COL5A1: variants seen among roughly 807,000 people sequenced by gnomAD.
COL5A1 encodes the protein collagen alpha-1(V) chain.
A neutral mutation model predicts 263.7 loss-of-function variants in COL5A1; 16 were observed. The ratio of observed to expected loss-of-function variants is 0.06; its 90% CI spans 0.04 to 0.09. The LOEUF (loss-of-function observed/expected upper bound fraction) is 0.09. COL5A1 is among the 10% of genes least tolerant of loss of function. The pLI, the probability that COL5A1 is intolerant of heterozygous loss-of-function variation, is 1.00. For missense variants in COL5A1, 2,036 were observed against 2,540.5 expected (o/e 0.80, Z 4.27); for synonymous variants, 1,012 against 1,004.5 (o/e 1.01, Z -0.14).
At position 134,795,325 on chromosome 9, in the gene COL5A1, T is replaced by C. The variant is rs941515036; in HGVS notation, c.2799+10T>C. 8.1e-6 allele frequency: 13 copies of C among 1,613,344 alleles called. No individual in the cohort carries two copies. Among genetic ancestry groups the C allele is most frequent in the Non-Finnish European group, 1.1e-5 (13 of 1,179,876 alleles). ...GAAGCCTGGCCCCAAGGTATGTTTT[T>C]GGCCTCCTGGGCGGTGGGCGGCGTG... On this transcript the variant is annotated intron_variant, in intron 34 of 65. Coordinates refer to ENST00000371817, the MANE Select transcript of COL5A1 (RefSeq NM_000093.5).
At chr9:134,715,924 TGA>T (rs1353844552) in intron 4 of COL5A1, among the ~76,000 whole-genome samples, 2 of 152,058 alleles carry the variant, frequency 1.3e-5, no homozygotes, top group African/African-American at 4.8e-5. Flanking sequence ...ATGGAGGTGA[TGA>T]TAGTGGTGGT....
In COL5A1 at chr9:134,677,070, G is replaced by T. The variant is rs146134402; in HGVS notation, c.110-13842G>T. Among the ~76,000 whole-genome samples the T allele has an allele frequency of 1.3e-5, 2 of 152,308 alleles. No homozygotes were observed. The highest frequency in any genetic ancestry group is 1.9e-4 in the East Asian group (1 of 5,188). On this transcript the variant is annotated intron_variant, in intron 1 of 65. Coordinates refer to ENST00000371817, the MANE Select transcript of COL5A1 (RefSeq NM_000093.5). The surrounding 1 kb of genome is among the most constrained non-coding windows in gnomAD (Gnocchi z 4.4). ...CCATGGAGTGCTCTGGTTGTGGTTT[G>T]CTGGGGAGACACAGAAGAGGCAGGG...
At position 134,741,454 on chromosome 9, in the gene COL5A1, C is replaced by G. The variant is rs933491806; in HGVS notation, c.1494+2646C>G. Among the ~76,000 whole-genome samples, 1 of 152,108 alleles carries G rather than the reference C, an allele frequency of 6.6e-6. No homozygotes were observed. The highest frequency in any genetic ancestry group is 2.4e-5 in the African/African-American group (1 of 41,410). On this transcript the variant is annotated intron_variant, in intron 11 of 65. Transcript: ENST00000371817. The surrounding 1 kb of genome is among the most constrained non-coding windows in gnomAD (Gnocchi z 4.5). ...AGGGGGTTTGGGCTTCGCGGGGTGA[C>G]AGATGGTGGGCAAGTGACTAGGAAC...
At chr9:134,827,444 C>T (rs937181680) in intron 63 of COL5A1, among the ~76,000 whole-genome samples, 2 of 152,244 alleles carry the variant, frequency 1.3e-5, no homozygotes, top group Admixed American at 6.5e-5. Flanking sequence ...AACACGGGGG[C>T]CTTCCATCTC....
chr9:134,671,361 G>T (rs904546561), intron 1 of COL5A1, among the ~76,000 whole-genome samples: 2 of 152,136 alleles, frequency 1.3e-5, no homozygotes, highest in African/African-American at 2.4e-5. Flanking sequence ...CTGGGATCTC[G>T]CACAGTACAG....
intron 57 of COL5A1, 29 bp from the exon 58 acceptor site, chr9:134,820,087 T>C: frequency 6.4e-7 from 1 of 1,574,248 alleles, no homozygotes; most frequent in Non-Finnish European, 8.7e-7. Flanking sequence ...CTCCCTCAAA[T>C]GCCCCTTCCT....
intron 4 of COL5A1, chr9:134,708,503 G>A (rs1390768371): frequency 2.0e-6 from 1 of 495,892 alleles, no homozygotes. Context: ...CATCTACCCA[G>A]CCCTGCTGTC....
At chr9:134,806,504 G>T (rs937811038) in intron 42 of COL5A1, among the ~76,000 whole-genome samples, 1 of 152,128 alleles carries the variant, frequency 6.6e-6, no homozygotes, top group African/African-American at 2.4e-5. Context: ...TCCTGGTGCC[G>T]GCCACATTCT....
At chr9:134,760,546 A>ATG (rs1836346592) in intron 18 of COL5A1, among the ~76,000 whole-genome samples, 1 of 114,724 alleles carries the variant, frequency 8.7e-6, no homozygotes, top group East Asian at 3.1e-4. Flanking sequence ...ATACACCCAC[A>ATG]CACACACGCA....
intron 29 of COL5A1, among the ~76,000 whole-genome samples, chr9:134,784,551 C>G (rs1053593840): frequency 1.2e-4 from 19 of 152,246 alleles, no homozygotes; most frequent in Non-Finnish European, 2.4e-4. Context: ...ACTGCCCCAT[C>G]CGGGGCTGGG....
intron 4 of COL5A1, among the ~76,000 whole-genome samples, chr9:134,725,879 T>A (rs754629261): frequency 6.6e-6 from 1 of 152,260 alleles, no homozygotes; most frequent in Non-Finnish European, 1.5e-5. Context: ...GTTGCATTTA[T>A]CTTTTGGCCA....
At chr9:134,718,028 G>C (rs534931960) in intron 4 of COL5A1, among the ~76,000 whole-genome samples, 1 of 152,190 alleles carries the variant, frequency 6.6e-6, no homozygotes, top group African/African-American at 2.4e-5. Flanking sequence ...GGCCACGGGA[G>C]CCTCTAATTT....
intron 30 of COL5A1, 133 bp from the exon 31 acceptor site, chr9:134,785,862 A>T (rs1164617555): frequency 1.3e-6 from 1 of 790,654 alleles, no homozygotes; most frequent in Non-Finnish European, 2.2e-6. Flanking sequence ...CTGCATAATG[A>T]CGTGTGCCCC....
intron 1 of COL5A1, among the ~76,000 whole-genome samples, chr9:134,685,966 C>T (rs1833065988): frequency 6.6e-6 from 1 of 151,920 alleles, no homozygotes; most frequent in African/African-American, 2.4e-5. Flanking sequence ...TCCACTCATC[C>T]ATCCATCCAT....
Position 134,779,712 on chromosome 9 carries a change from C to G in COL5A1, c.2386-390C>G, listed in dbSNP as rs115456225. On this transcript the variant is annotated intron_variant, in intron 27 of 65. Coordinates refer to ENST00000371817, the MANE Select transcript of COL5A1 (RefSeq NM_000093.5). Reference sequence around the variant, plus strand: ...GGGAGCTGGGACCTAATCAAGTCTGCCTTAGACCTCACCTCCTGCTTCCTC... The same window carrying G: ...GGGAGCTGGGACCTAATCAAGTCTGGCTTAGACCTCACCTCCTGCTTCCTC... Among the ~76,000 whole-genome samples the G allele has an allele frequency of 2.9e-3, 440 of 152,260 alleles. 3 individuals carry two copies. Among genetic ancestry groups the G allele is most frequent in the African/African-American group, 0.01 (421 of 41,558 alleles).
At chr9:134,645,633 T>C (rs888281690) in intron 1 of COL5A1, among the ~76,000 whole-genome samples, 1 of 152,196 alleles carries the variant, frequency 6.6e-6, no homozygotes, top group Non-Finnish European at 1.5e-5. Flanking sequence ...ACCATCTCAC[T>C]GCACCCTCAC....
Position 134,811,644 on chromosome 9 carries a change from G to A in COL5A1, c.3690+45G>A, listed in dbSNP as rs762147427. 130 of 1,427,042 alleles carry A rather than the reference G, an allele frequency of 9.1e-5. 2 individuals carry two copies. In the South Asian group the frequency reaches 1.2e-3, roughly 13 times the overall value. The allele number at this position is 1,427,042 out of a possible 1,614,324, so 88.4% of individuals were successfully genotyped here. On this transcript the variant is annotated intron_variant, in intron 46 of 65. Transcript: ENST00000371817. ...CACACCGGGCTCCTCCGCTTCTGAC[G>A]CCCCCTGTGTCTTCATTGTGCTCTC... is the stretch of plus-strand genomic sequence containing the variant.
In COL5A1 at chr9:134,823,489, C is replaced by T. The variant is rs1440361056; in HGVS notation, c.4698+20C>T. ...CCCCCGGTAAGTAGCCCTTGAAGCC[C>T]AGAAAGCGGGACGGGGGCTCTGGCT... On this transcript the variant is annotated intron_variant, in intron 61 of 65. Coordinates refer to ENST00000371817, the MANE Select transcript of COL5A1 (RefSeq NM_000093.5). The T allele has an allele frequency of 1.2e-6, 2 of 1,613,798 alleles. No homozygotes were observed. The highest frequency in any genetic ancestry group is 1.7e-6 in the Non-Finnish European group (2 of 1,179,794).
In COL5A1 at chr9:134,716,715, G is replaced by T. The variant is rs1326122652; in HGVS notation, c.655-10551G>T. 6.6e-6 allele frequency among the ~76,000 whole-genome samples: 1 copy of T among 152,176 alleles called. No homozygotes were observed. Among genetic ancestry groups the T allele is most frequent in the African/African-American group, 2.4e-5 (1 of 41,424 alleles). ...TTCAGTCCCTGTGGCCAGCTTCAGG[G>T]TGTGCATGAGGCTGTGACCTGATCA... On this transcript the variant is annotated intron_variant, in intron 4 of 65. Transcript: ENST00000371817. The surrounding 1 kb of genome is among the most constrained non-coding windows in gnomAD (Gnocchi z 4.5).
Sources: gnomAD v4.1 joint callset for allele counts (sites outside exome capture counted in the v4.1 genomes callset) on GRCh38, gnomAD v4.1.1 for gene constraint, Gnocchi (gnomAD v3.1) non-coding constraint, MANE v1.5 for transcripts, NCBI Gene and HGNC (gene_info 2026-07-23, HGNC 2026-07-21) for gene names.